EPS8: variants seen among roughly 807,000 people sequenced by gnomAD.
EPS8 encodes the protein EGFR pathway substrate 8, signaling adaptor.
In EPS8, 42 loss-of-function variants were observed where a neutral mutation model predicts 103.8. That is an observed-to-expected ratio of 0.40 (90% CI 0.32 to 0.52). The LOEUF is 0.52. Among genes scored for constraint, EPS8 ranks in the 20% least tolerant of loss-of-function variants. EPS8 has a pLI of 0.40. For synonymous variants in EPS8, 344 were observed against 344.6 expected (o/e 1.00, Z 0.02); for missense variants, 969 against 1,005.1 (o/e 0.96, Z 0.49).
At chr12:15,650,092 A>G (rs570524867) in intron 14 of EPS8, among the ~76,000 whole-genome samples, 7 of 152,310 alleles carry the variant, frequency 4.6e-5, no homozygotes, top group African/African-American at 1.2e-4. Flanking sequence ...AATGTGACAA[A>G]ACAGCATACT....
intron 2 of EPS8, 77 bp from the exon 3 acceptor site, chr12:15,681,379 C>T (rs1946003724): frequency 7.3e-6 from 4 of 549,836 alleles, no homozygotes; most frequent in Non-Finnish European, 1.1e-5. Flanking sequence ...ATATAAGTAA[C>T]AGAAACTCAA....
At position 15,752,027 on chromosome 12, in the gene EPS8, G is replaced by A. The variant is rs1409673746; in HGVS notation, c.-22+37134C>T. Among the ~76,000 whole-genome samples the A allele has an allele frequency of 1.3e-5, 2 of 152,188 alleles. No individual in the cohort carries two copies. Among genetic ancestry groups the A allele is most frequent in the African/African-American group, 2.4e-5 (1 of 41,424 alleles). On this transcript the variant is annotated intron_variant, in intron 1 of 20. Coordinates refer to ENST00000281172, the MANE Select transcript of EPS8 (RefSeq NM_004447.6). This position sits in a 1 kb window ranked among gnomAD's most constrained non-coding sequence, Gnocchi z 4.4. ...CAGGAAATCAGTGACTGGATTTGAG[G>A]TATAGTTGAGAATTTCATCATACAA...
intron 15 of EPS8, among the ~76,000 whole-genome samples, chr12:15,645,982 AAGAC>A (rs1030209043): frequency 6.6e-5 from 10 of 152,342 alleles, no homozygotes; most frequent in South Asian, 2.1e-4. Flanking sequence ...ATTGACATCT[AAGAC>A]AGACAGAAAG....
intron 3 of EPS8, chr12:15,671,583 A>G (rs2135854427): frequency 6.6e-6 from 1 of 152,306 alleles, no homozygotes; most frequent in Middle Eastern, 3.4e-3. Context: ...TTAAAAAGCA[A>G]AAAGAAACCT....
rs1198050376 is a variant in EPS8, at chr12:15,654,306, A to G, written c.1102-13T>C. ...TTGCCTGCACCACCTAAGATAATAA[A>G]CCATTTTTTAGCAAGAAGATTACTA... On this transcript the variant is annotated splice_polypyrimidine_tract_variant and intron_variant, in intron 12 of 20. Transcript: ENST00000281172. 1 of 1,609,822 alleles carries G rather than the reference A, an allele frequency of 6.2e-7. No homozygotes were observed. The highest frequency in any genetic ancestry group is 1.7e-5 in the Admixed American group (1 of 59,246).
intron 1 of EPS8, among the ~76,000 whole-genome samples, chr12:15,786,082 A>C (rs1043517344): frequency 1.3e-5 from 2 of 152,060 alleles, no homozygotes; most frequent in African/African-American, 4.8e-5. Flanking sequence ...CCTTAAGTAT[A>C]GGCTATACAC....
rs1197229934 is a variant in EPS8, at chr12:15,767,698, A to G, written c.-22+21463T>C. ...ACTGAGATATGTCTTCTTCTCTGCT[A>G]AACATGGTTGTTAGAATAAGGAAAT... is the stretch of plus-strand genomic sequence containing the variant. On this transcript the variant is annotated intron_variant, in intron 1 of 20. Coordinates refer to ENST00000281172, the MANE Select transcript of EPS8 (RefSeq NM_004447.6). This position sits in a 1 kb window ranked among gnomAD's most constrained non-coding sequence, Gnocchi z 5.5. 6.6e-6 allele frequency among the ~76,000 whole-genome samples: 1 copy of G among 152,214 alleles called. No individual in the cohort carries two copies.
In EPS8 at chr12:15,660,491, T is replaced by G. The variant is rs1408248459; in HGVS notation, c.937+123A>C. 11 of 688,616 alleles carry G rather than the reference T, an allele frequency of 1.6e-5. No individual in the cohort carries two copies. The South Asian group carries it at 1.7e-4, about 11-fold the overall frequency. 42.7% of individuals were successfully genotyped at this position (688,616 alleles called of 1,614,324 possible). A position where few individuals can be genotyped will look rare whatever the true frequency, so the allele number is the denominator to read the frequency against. On this transcript the variant is annotated intron_variant, in intron 10 of 20. Coordinates refer to ENST00000281172, the MANE Select transcript of EPS8 (RefSeq NM_004447.6). ...ATTGGTCAGGCTAGTCTCGAACTCCTGACCTTAGATGATACACCCGCCTCG... is the reference window on the plus strand; with the variant it reads ...ATTGGTCAGGCTAGTCTCGAACTCCGGACCTTAGATGATACACCCGCCTCG...
At chr12:15,666,624 G>A (rs1335383504) in intron 6 of EPS8, 102 bp from the exon 7 acceptor site, 6 of 743,116 alleles carry the variant, frequency 8.1e-6, no homozygotes, top group African/African-American at 7.1e-5. Flanking sequence ...GAATCAGTAA[G>A]TATCTTGATG....
In EPS8 at chr12:15,660,672, T is replaced by C; in HGVS notation, c.879A>G (p.Ala293=). The C allele has an allele frequency of 6.2e-7, 1 of 1,611,060 alleles. No homozygotes were observed. The highest frequency in any genetic ancestry group is 8.5e-7 in the Non-Finnish European group (1 of 1,177,420). Residue 293 remains alanine (A), a synonymous_variant, in exon 10 of 21, where the codon GCA becomes GCG. Transcript: ENST00000281172. The part of the protein sequence containing the change: ...FITKLQKAAE[A]FSELSKRKKN... ...TCTTCCTTTTAGAAAGCTCAGAAAA[T>C]GCTTCTGCTGCTTTTTGGAGTTTTG...
chr12:15,647,108 G>T lies in EPS8; in HGVS notation c.1568+19C>A, dbSNP rs750887797. The T allele has an allele frequency of 1.5e-5, 24 of 1,608,284 alleles. No individual in the cohort carries two copies. The highest frequency in any genetic ancestry group is 2.0e-5 in the Non-Finnish European group (24 of 1,177,158). On this transcript the variant is annotated intron_variant, in intron 15 of 20. Transcript: ENST00000281172. ...GACATTTATCCACAGCTCTCCAAAGGGTGCCCATTAAATGTTACCTATCTA... is the reference window on the plus strand; with the variant it reads ...GACATTTATCCACAGCTCTCCAAAGTGTGCCCATTAAATGTTACCTATCTA...
At chr12:15,640,556 T>C (rs1945210634) in intron 17 of EPS8, 147 bp downstream of exon 17, 1 of 584,518 alleles carries the variant, frequency 1.7e-6, no homozygotes, top group Non-Finnish European at 2.8e-6. Context: ...CTCTCACCAT[T>C]GCCACTCCCC....
At chr12:15,673,878 G>T (rs1042459157) in intron 3 of EPS8, among the ~76,000 whole-genome samples, 1 of 152,114 alleles carries the variant, frequency 6.6e-6, no homozygotes, top group Admixed American at 6.5e-5. Context: ...TTAGAGGTAG[G>T]ATGAAACTTA....
At chr12:15,654,355 G>A (rs978474331) in intron 12 of EPS8, 62 bp from the exon 13 acceptor site, 3 of 1,511,574 alleles carry the variant, frequency 2.0e-6, no homozygotes, top group Non-Finnish European at 2.7e-6. Flanking sequence ...TTCAAAATGT[G>A]TGGACAAAAA....
chr12:15,729,900 C>T (rs566011758), intron 1 of EPS8, among the ~76,000 whole-genome samples: 1 of 152,296 alleles, frequency 6.6e-6, no homozygotes, highest in South Asian at 2.1e-4. Context: ...GATTAACTCT[C>T]AAGGTCTGTA....
In EPS8 at chr12:15,631,547, C is replaced by G. The variant is rs1045095999; in HGVS notation, c.1939G>C (p.Val647Leu). ...GTTATATTTGCTGGGACCTTTGACA[C>G]AGGAACAGGTGCTGGAGTGGAAGGG... is the stretch of plus-strand genomic sequence containing the variant. The part of the protein sequence containing the change: ...LPPSTPAPVP[V>L]SKVPANITRQ... The change falls in exon 18 of 21, where the codon GTG becomes CTG. Residue 647 changes from valine (V) to leucine (L), a missense_variant. Coordinates refer to ENST00000281172, the MANE Select transcript of EPS8 (RefSeq NM_004447.6). 7 of 1,613,944 alleles carry G rather than the reference C, an allele frequency of 4.3e-6. No homozygotes were observed. In the Admixed American group the frequency reaches 6.7e-5, roughly 15 times the overall value.
At chr12:15,723,122 C>G (rs118054342) in intron 1 of EPS8, among the ~76,000 whole-genome samples, 1 of 151,964 alleles carries the variant, frequency 6.6e-6, no homozygotes, top group Non-Finnish European at 1.5e-5. Context: ...CCAGCCTGGG[C>G]AACATGGTGA....
At position 15,776,455 on chromosome 12, in the gene EPS8, G is replaced by A. The variant is rs1947207591; in HGVS notation, c.-22+12706C>T. Among the ~76,000 whole-genome samples the A allele has an allele frequency of 6.6e-6, 1 of 152,006 alleles. No homozygotes were observed. The highest frequency in any genetic ancestry group is 1.5e-5 in the Non-Finnish European group (1 of 68,002). On this transcript the variant is annotated intron_variant, in intron 1 of 20. Transcript: ENST00000281172. This position sits in a 1 kb window ranked among gnomAD's most constrained non-coding sequence, Gnocchi z 4.2. ...CTCAAGTTCACATGCACACTCTCAG[G>A]AACTAACACAGACCTAGATTGGCCT...
chr12:15,779,103 C>T lies in EPS8; in HGVS notation c.-22+10058G>A, dbSNP rs866059958. ...AAGCAATTCTCCTGCCTCAGCCTCC[C>T]GAGTAGCTGGGATTACAGGTATGTG... On this transcript the variant is annotated intron_variant, in intron 1 of 20. Coordinates refer to ENST00000281172, the MANE Select transcript of EPS8 (RefSeq NM_004447.6). The surrounding 1 kb of genome is among the most constrained non-coding windows in gnomAD (Gnocchi z 4.3). 1.1e-4 allele frequency among the ~76,000 whole-genome samples: 16 copies of T among 152,198 alleles called. No homozygotes were observed. The highest frequency in any genetic ancestry group is 3.4e-3 in the Middle Eastern group (1 of 294).
Sources: gnomAD v4.1 joint callset for allele counts (sites outside exome capture counted in the v4.1 genomes callset) on GRCh38, gnomAD v4.1.1 for gene constraint, Gnocchi (gnomAD v3.1) non-coding constraint, MANE v1.5 for transcripts, NCBI Gene and HGNC (gene_info 2026-07-23, HGNC 2026-07-21) for gene names.